DNAJC11: variants seen among roughly 807,000 people sequenced by gnomAD.
DNAJC11 encodes the protein dnaJ homolog subfamily C member 11.
In DNAJC11, 15 loss-of-function variants were observed where a neutral mutation model predicts 78.6. The observed-to-expected ratio is 0.19, with a 90% CI of 0.13 to 0.29. The LOEUF is 0.29. Ranked by LOEUF, DNAJC11 falls within the 10% of genes least tolerant of loss-of-function variation. The pLI, the probability that DNAJC11 is intolerant of heterozygous loss-of-function variation, is 1.00. For missense variants in DNAJC11, 547 were observed against 709.6 expected (o/e 0.77, Z 2.60); for synonymous variants, 292 against 272.1 (o/e 1.07, Z -0.72).
Position 6,638,319 on chromosome 1 carries a change from C to A in DNAJC11, c.1299G>T (p.Gln433His), listed in dbSNP as rs201664213. ...CAGCGGACTCCGCCTCTTGCTTCTT[C>A]TGCAGCACATCGGTGGCGGCGCTTT... ...QRESAATDVL[Q>H]KKQEAESAVR... The change falls in exon 12 of 16, where the codon CAG becomes CAT. Residue 433 changes from glutamine to histidine, a missense_variant. By Grantham distance (24) the Gln-to-His change is conservative. Transcript: ENST00000377577. The A allele has an allele frequency of 7.4e-6, 12 of 1,613,606 alleles. No individual in the cohort carries two copies. Among genetic ancestry groups the A allele is most frequent in the Non-Finnish European group, 1.7e-6 (2 of 1,179,666 alleles).
chr1:6,678,165 T>G (rs1013818807), intron 3 of DNAJC11, among the ~76,000 whole-genome samples: 1 of 152,142 alleles, frequency 6.6e-6, no homozygotes, highest in Non-Finnish European at 1.5e-5. Context: ...CTTGACAGGT[T>G]AGGGAACGAA....
intron 1 of DNAJC11, among the ~76,000 whole-genome samples, chr1:6,701,461 G>A (rs1642927013): frequency 6.6e-6 from 1 of 152,204 alleles, no homozygotes; most frequent in Admixed American, 6.5e-5. Flanking sequence ...GAGCGTGCGG[G>A]GGCCTCTGGC....
chr1:6,690,807 CCAGCTACT>C (rs942961448), intron 1 of DNAJC11, among the ~76,000 whole-genome samples: 1 of 152,118 alleles, frequency 6.6e-6, no homozygotes, highest in African/African-American at 2.4e-5. Flanking sequence ...GCCTGTAGTC[CCAGCTACT>C]CGGGAGGCTG....
At chr1:6,695,816 A>G (rs1330670875) in intron 1 of DNAJC11, among the ~76,000 whole-genome samples, 2 of 151,972 alleles carry the variant, frequency 1.3e-5, no homozygotes, top group Non-Finnish European at 2.9e-5. Context: ...TCAAAAAAAA[A>G]AAAAGAAATT....
intron 13 of DNAJC11, 42 bp from the exon 14 acceptor site, chr1:6,637,382 C>T: frequency 2.5e-6 from 4 of 1,614,194 alleles, no homozygotes; most frequent in Non-Finnish European, 2.5e-6. Context: ...CCTCCAGGCA[C>T]CTCCTTGTGT....
Position 6,653,991 on chromosome 1 carries a change from C to A in DNAJC11, c.427G>T (p.Asp143Tyr). The A allele has an allele frequency of 6.2e-7, 1 of 1,613,700 alleles. No homozygotes were observed. The highest frequency in any genetic ancestry group is 8.5e-7 in the Non-Finnish European group (1 of 1,179,658). The stretch of plus-strand genomic sequence containing the variant: ...CCGGACACATCTTCATACTCCTCAT[C>A]ATAGCGATCAAAAAGGTCGGTGGCA... ...VDATDLFDRYDEEYEDVSGSS... is the reference protein window; with the variant it reads ...VDATDLFDRYYEEYEDVSGSS... Residue 143 changes from aspartate to tyrosine, a missense_variant, in exon 5 of 16, where the codon GAT (aspartate) becomes TAT (tyrosine). Transcript: ENST00000377577. The surrounding 1 kb of genome is among the most constrained non-coding windows in gnomAD (Gnocchi z 4.5).
intron 15 of DNAJC11, 120 bp from the exon 16 acceptor site, chr1:6,635,820 AC>A: frequency 1.6e-6 from 2 of 1,246,376 alleles, no homozygotes; most frequent in Non-Finnish European, 2.3e-6. Flanking sequence ...GAGGCAGAGC[AC>A]CCGCTGCTGA....
At chr1:6,672,263 T>C (rs1279312780) in intron 3 of DNAJC11, among the ~76,000 whole-genome samples, 1 of 152,240 alleles carries the variant, frequency 6.6e-6, no homozygotes, top group African/African-American at 2.4e-5. Flanking sequence ...AATATGCCCA[T>C]ACACTACTAT....
At chr1:6,687,719 C>A (rs1642680411) in intron 1 of DNAJC11, among the ~76,000 whole-genome samples, 1 of 152,136 alleles carries the variant, frequency 6.6e-6, no homozygotes, top group Admixed American at 6.6e-5. Flanking sequence ...CAACGCCCCC[C>A]TTCTCTCATT....
Position 6,667,707 on chromosome 1 carries a change from A to G in DNAJC11, c.378+2T>C. On this transcript the variant is annotated splice_donor_variant, in intron 4 of 15. Coordinates refer to ENST00000377577, the MANE Select transcript of DNAJC11 (RefSeq NM_018198.4). LOFTEE classifies it high-confidence loss of function. Reference sequence around the variant, plus strand: ...CCTCATGAAACGTGGCCCCTGGCTTACCTTGGGATTGGTTCGCTGCTGCAA... The same window carrying G: ...CCTCATGAAACGTGGCCCCTGGCTTGCCTTGGGATTGGTTCGCTGCTGCAA... 1 of 1,613,870 alleles carries G rather than the reference A, an allele frequency of 6.2e-7. No homozygotes were observed. Among genetic ancestry groups the G allele is most frequent in the Non-Finnish European group, 8.5e-7 (1 of 1,179,866 alleles).
chr1:6,667,487 T>A (rs969663036), intron 4 of DNAJC11, among the ~76,000 whole-genome samples: 3 of 152,126 alleles, frequency 2.0e-5, no homozygotes, highest in African/African-American at 7.2e-5. Context: ...TCCCTCCACA[T>A]GGTACAAAAC....
chr1:6,651,043 C>G (rs370099763), intron 7 of DNAJC11: 1 of 533,496 alleles, frequency 1.9e-6, no homozygotes, highest in Non-Finnish European at 3.8e-6. Flanking sequence ...ACACTGCTGT[C>G]GTTCTAGAAG....
At chr1:6,687,602 C>G (rs1642677640) in intron 1 of DNAJC11, among the ~76,000 whole-genome samples, 1 of 152,070 alleles carries the variant, frequency 6.6e-6, no homozygotes, top group Non-Finnish European at 1.5e-5. Flanking sequence ...CGTGATCCGC[C>G]CACCTCGGCC....
chr1:6,649,902 C>T (rs950297884), intron 7 of DNAJC11, among the ~76,000 whole-genome samples: 68 of 151,736 alleles, frequency 4.5e-4, no homozygotes, highest in African/African-American at 1.5e-3. Context: ...GAGGGGGTTT[C>T]GCCATGTTGG....
intron 3 of DNAJC11, among the ~76,000 whole-genome samples, chr1:6,674,181 T>C (rs1159124980): frequency 6.6e-6 from 1 of 152,076 alleles, no homozygotes; most frequent in East Asian, 1.9e-4. Context: ...AAGTAAACAG[T>C]ATGGCTGGTT....
chr1:6,653,877 T>C lies in DNAJC11; in HGVS notation c.507+34A>G. The C allele has an allele frequency of 6.2e-7, 1 of 1,607,718 alleles. No homozygotes were observed. Among genetic ancestry groups the C allele is most frequent in the East Asian group, 2.2e-5 (1 of 44,492 alleles). On this transcript the variant is annotated intron_variant, in intron 5 of 15. Coordinates refer to ENST00000377577, the MANE Select transcript of DNAJC11 (RefSeq NM_018198.4). This position sits in a 1 kb window ranked among gnomAD's most constrained non-coding sequence, Gnocchi z 4.5. ...TGCTGTGCCTCATTAACTCGAGCCCTTGCTGTACTCGGAGAGGTGGTTGTG... is the reference window on the plus strand; with the variant it reads ...TGCTGTGCCTCATTAACTCGAGCCCCTGCTGTACTCGGAGAGGTGGTTGTG...
intron 1 of DNAJC11, among the ~76,000 whole-genome samples, chr1:6,695,948 T>C (rs973248572): frequency 1.3e-5 from 2 of 152,250 alleles, no homozygotes; most frequent in African/African-American, 4.8e-5. Flanking sequence ...TATCCCATTG[T>C]TAACTAAGAA....
intron 4 of DNAJC11, among the ~76,000 whole-genome samples, chr1:6,666,621 C>G (rs181898400): frequency 3.1e-4 from 47 of 152,162 alleles, no homozygotes; most frequent in African/African-American, 1.1e-3. Flanking sequence ...AGGCTGGTCT[C>G]GAACTCCTGA....
chr1:6,666,385 C>CTTTTTTTTTT (rs767579276), intron 4 of DNAJC11, among the ~76,000 whole-genome samples: 50 of 120,582 alleles, frequency 4.1e-4, no homozygotes, highest in African/African-American at 1.2e-3. Context: ...TCTTTCTTTT[C>CTTTTTTTTTT]TTTTTTTTTT....
Sources: allele counts gnomAD v4.1 joint callset (sites outside exome capture counted in the v4.1 genomes callset), GRCh38; gene constraint gnomAD v4.1.1; non-coding constraint Gnocchi (gnomAD v3.1); transcripts MANE v1.5; gene names NCBI Gene and HGNC (gene_info 2026-07-23, HGNC 2026-07-21).